KLHL29: variants seen among roughly 807,000 people sequenced by gnomAD.
The protein encoded by KLHL29 is kelch-like protein 29.
Under a neutral mutation model 80.4 loss-of-function variants are expected in KLHL29, and 21 were observed. That is an observed-to-expected ratio of 0.26 (90% CI 0.19 to 0.38). The LOEUF is 0.38. Ranked by LOEUF, KLHL29 falls within the 10% of genes least tolerant of loss-of-function variation. KLHL29 has a pLI of 1.00. For synonymous variants in KLHL29, 511 were observed against 526.8 expected, an observed-to-expected ratio of 0.97 and a Z score of 0.41; for missense variants, 867 against 1,223.9, an observed-to-expected ratio of 0.71 and a Z score of 4.35.
chr2:23,640,327 G>A (rs1227182771), intron 4 of KLHL29, among the ~76,000 whole-genome samples: 1 of 152,168 alleles, frequency 6.6e-6, no homozygotes, highest in Non-Finnish European at 1.5e-5. Context: ...CATATAACTA[G>A]AGACTTCTCT....
chr2:23,673,614 A>C (rs1670836110), intron 5 of KLHL29, among the ~76,000 whole-genome samples: 1 of 146,228 alleles, frequency 6.8e-6, no homozygotes, highest in Non-Finnish European at 1.5e-5. Flanking sequence ...CACCCATACC[A>C]CCTCCTCTCA....
At position 23,424,858 on chromosome 2, in the gene KLHL29, C is replaced by T. The variant is rs191074976; in HGVS notation, c.-154+39078C>T. ...TTACTAAAACACTGCAGTTGATTTT[C>T]CTTACGCTCAAAAATGCACGAATTC... On this transcript the variant is annotated intron_variant, in intron 1 of 13. Transcript: ENST00000486442. Among the ~76,000 whole-genome samples, 14 of 152,322 alleles carry T rather than the reference C, an allele frequency of 9.2e-5. No individual in the cohort carries two copies. The East Asian group carries it at 2.5e-3, about 27-fold the overall frequency.
intron 5 of KLHL29, among the ~76,000 whole-genome samples, chr2:23,671,277 CTCGTGT>C (rs1227065309): frequency 6.6e-6 from 1 of 151,956 alleles, no homozygotes; most frequent in Non-Finnish European, 1.5e-5. Context: ...GAGGAGGAGA[CTCGTGT>C]TCTCCCATCT....
intron 1 of KLHL29, among the ~76,000 whole-genome samples, chr2:23,415,596 C>G (rs1231839069): frequency 1.3e-5 from 2 of 152,212 alleles, no homozygotes; most frequent in Non-Finnish European, 2.9e-5. Flanking sequence ...CTGCCCCTTA[C>G]TAATCAAGTA....
chr2:23,387,067 C>T (rs1032992298), intron 1 of KLHL29, among the ~76,000 whole-genome samples: 2 of 152,184 alleles, frequency 1.3e-5, no homozygotes, highest in African/African-American at 4.8e-5. Flanking sequence ...ATCCCCGCCG[C>T]TCTGCAAACG....
In KLHL29 at chr2:23,684,458, G is replaced by A. The variant is rs1363099068; in HGVS notation, c.1000G>A (p.Val334Ile). 6.4e-7 allele frequency: 1 copy of A among 1,550,896 alleles called. No homozygotes were observed. Among genetic ancestry groups the A allele is most frequent in the Non-Finnish European group, 8.7e-7 (1 of 1,146,732 alleles). ...GAAAGCGTTTACAGACCTGAAAATT[G>A]TTGTTGAAGGCAGAGAGTTTGAAGT... ...RAKAFTDLKI[V>I]VEGREFEVHQ... Residue 334 changes from valine (V) to isoleucine (I), a missense_variant, in exon 6 of 14, where the codon GTT becomes ATT. Transcript: ENST00000486442. This position sits in a 1 kb window ranked among gnomAD's most constrained non-coding sequence, Gnocchi z 4.4.
rs181246839 is a variant in KLHL29, at chr2:23,417,878, T to G, written c.-154+32098T>G. Among the ~76,000 whole-genome samples the G allele has an allele frequency of 5.9e-5, 9 of 152,256 alleles. No homozygotes were observed. In the East Asian group the frequency reaches 1.7e-3, roughly 29 times the overall value. Reference sequence around the variant, plus strand: ...ACCCCCACCCTCTACTGAGGCTGTGTCCAGTGTGGTCAGAGAGACCATCTG... The same window carrying G: ...ACCCCCACCCTCTACTGAGGCTGTGGCCAGTGTGGTCAGAGAGACCATCTG... On this transcript the variant is annotated intron_variant, in intron 1 of 13. Coordinates refer to ENST00000486442, the MANE Select transcript of KLHL29 (RefSeq NM_052920.2).
rs549092190 is a variant in KLHL29 at position 23,420,310 on chromosome 2, G to C, written c.-154+34530G>C. On this transcript the variant is annotated intron_variant, in intron 1 of 13. Coordinates refer to ENST00000486442, the MANE Select transcript of KLHL29 (RefSeq NM_052920.2). ...TCTCCTTCCTTGCTGCGTCCACACC[G>C]ATCCCGTCACTGCTTCCTCCTGCCT... Among the ~76,000 whole-genome samples, 21 of 152,256 alleles carry C rather than the reference G, an allele frequency of 1.4e-4. No homozygotes were observed. In the South Asian group the frequency reaches 4.4e-3, roughly 32 times the overall value.
chr2:23,551,667 G>A (rs1667134035), intron 2 of KLHL29, among the ~76,000 whole-genome samples: 1 of 152,240 alleles, frequency 6.6e-6, no homozygotes, highest in Admixed American at 6.5e-5. Flanking sequence ...CATCTAGGGA[G>A]TCAGAATGCC....
At chr2:23,701,910 T>C (rs6650796) in intron 11 of KLHL29, among the ~76,000 whole-genome samples, 75,790 of 150,650 alleles carry the variant, frequency 0.5, 19,726 homozygotes, top group East Asian at 0.79. Context: ...AAGCAGTTCT[T>C]CTGCCTCAGC....
chr2:23,491,458 G>C (rs1190857923), intron 2 of KLHL29, among the ~76,000 whole-genome samples: 1 of 152,156 alleles, frequency 6.6e-6, no homozygotes, highest in Non-Finnish European at 1.5e-5. Flanking sequence ...ACCAGTAGCA[G>C]GGCCCTGTGT....
intron 2 of KLHL29, among the ~76,000 whole-genome samples, chr2:23,554,657 G>T (rs896766832): frequency 1.3e-5 from 2 of 152,210 alleles, no homozygotes; most frequent in Non-Finnish European, 2.9e-5. Context: ...CCGCCCATGA[G>T]CTCAGGTGCA....
intron 3 of KLHL29, among the ~76,000 whole-genome samples, chr2:23,592,184 C>G (rs1343214229): frequency 6.6e-6 from 1 of 152,236 alleles, no homozygotes; most frequent in East Asian, 1.9e-4. Flanking sequence ...TGGCCTGCAG[C>G]AGCAGTGGCA....
chr2:23,477,661 C>T (rs937100348), intron 2 of KLHL29, among the ~76,000 whole-genome samples: 3 of 152,204 alleles, frequency 2.0e-5, no homozygotes, highest in East Asian at 1.9e-4. Flanking sequence ...GCGATATCGC[C>T]GGCACTGGGG....
chr2:23,444,176 G>A (rs1321706601), intron 1 of KLHL29, among the ~76,000 whole-genome samples: 2 of 152,132 alleles, frequency 1.3e-5, no homozygotes, highest in South Asian at 2.1e-4. Context: ...AGGCACTAGG[G>A]ATGCTCGTTC....
At position 23,708,460 on chromosome 2, in the gene KLHL29, G is replaced by A. The variant is rs570796765; in HGVS notation, c.*1796G>A. 6 of 152,196 alleles carry A rather than the reference G, an allele frequency of 3.9e-5. No individual in the cohort carries two copies. The highest frequency in any genetic ancestry group is 5.9e-5 in the Non-Finnish European group (4 of 68,024). The allele number at this position is 152,196 out of a possible 1,614,324, so 9.4% of individuals were successfully genotyped here. A position where few individuals can be genotyped will look rare whatever the true frequency, so the allele number is the denominator to read the frequency against. On this transcript the variant is annotated 3_prime_UTR_variant, in exon 14 of 14. Coordinates refer to ENST00000486442, the MANE Select transcript of KLHL29 (RefSeq NM_052920.2). ...CTCAACACAGATGACATTGAAATTCGTTTCTCTCCTCATCTATCACACTGG... is the reference window on the plus strand; with the variant it reads ...CTCAACACAGATGACATTGAAATTCATTTCTCTCCTCATCTATCACACTGG...
At chr2:23,538,041 A>G (rs1404713866) in intron 2 of KLHL29, among the ~76,000 whole-genome samples, 1 of 152,214 alleles carries the variant, frequency 6.6e-6, no homozygotes, top group Non-Finnish European at 1.5e-5. Flanking sequence ...AATTAGAACG[A>G]GGGTGGATCA....
intron 3 of KLHL29, among the ~76,000 whole-genome samples, chr2:23,588,920 T>C (rs72849649): frequency 0.019 from 2,956 of 152,308 alleles, 114 homozygotes; most frequent in African/African-American, 0.067. Flanking sequence ...ACACCAGCCG[T>C]ACCCAAAGAT....
intron 3 of KLHL29, among the ~76,000 whole-genome samples, chr2:23,593,075 A>G (rs867648557): frequency 6.6e-6 from 1 of 152,148 alleles, no homozygotes; most frequent in Non-Finnish European, 1.5e-5. Context: ...GAGGTCCTAG[A>G]TAAGTTGAAG....
Sources: gnomAD v4.1 joint callset for allele counts (sites outside exome capture counted in the v4.1 genomes callset) on GRCh38, gnomAD v4.1.1 for gene constraint, Gnocchi (gnomAD v3.1) non-coding constraint, MANE v1.5 for transcripts, NCBI Gene and HGNC (gene_info 2026-07-23, HGNC 2026-07-21) for gene names.